The following DSG3 variants were observed in gnomAD, a reference collection of about 807,000 sequenced individuals.
The protein encoded by DSG3 is desmoglein-3.
In DSG3, 63 loss-of-function variants were observed where a neutral mutation model predicts 85.9. The observed-to-expected ratio is 0.73, with a 90% CI of 0.60 to 0.90. The LOEUF is 0.90. DSG3 is among the 40% of genes least tolerant of loss of function. The pLI is 0.00. For synonymous variants in DSG3, 447 were observed against 441.9 expected, an observed-to-expected ratio of 1.01 and a Z score of -0.14; for missense variants, 1,220 against 1,219.9, an observed-to-expected ratio of 1.00 and a Z score of 0.00.
chr18:31,468,609 T>C (rs2072836410), intron 11 of DSG3, among the ~76,000 whole-genome samples: 5 of 152,164 alleles, frequency 3.3e-5, no homozygotes, highest in African/African-American at 1.2e-4. Flanking sequence ...ACCCTATTGT[T>C]TGTGGCAACT....
chr18:31,466,421 T>G, intron 10 of DSG3, 109 bp from the exon 11 acceptor site: 1 of 909,064 alleles, frequency 1.1e-6, no homozygotes, highest in Non-Finnish European at 1.7e-6. Flanking sequence ...TAGTATTTCA[T>G]GAGAAGACAC....
intron 14 of DSG3, 140 bp downstream of exon 14, chr18:31,472,928 G>A (rs966238298): frequency 8.3e-6 from 6 of 723,408 alleles, no homozygotes; most frequent in Non-Finnish European, 1.4e-5. Context: ...ATGGAGAAAA[G>A]CTGTTTTAAT....
chr18:31,467,938 G>A (rs1363057823), intron 11 of DSG3, among the ~76,000 whole-genome samples: 2 of 152,200 alleles, frequency 1.3e-5, no homozygotes, highest in African/African-American at 4.8e-5. Flanking sequence ...GAGTTTACTG[G>A]ATACGTGGCC....
At chr18:31,460,138 A>G in intron 6 of DSG3, 127 bp downstream of exon 6, 1 of 1,004,118 alleles carries the variant, frequency 1.0e-6, no homozygotes, top group East Asian at 2.6e-5. Context: ...AACTTGGCTA[A>G]TCTAGGGAAA....
At chr18:31,459,790 A>T in intron 5 of DSG3, 55 bp from the exon 6 acceptor site, 1 of 1,475,512 alleles carries the variant, frequency 6.8e-7, no homozygotes, top group Non-Finnish European at 9.2e-7. Flanking sequence ...TATTTAAAGT[A>T]AACATAATGT....
rs1385664655 is a variant in DSG3 at position 31,466,663 on chromosome 18, A to T, written c.1545A>T (p.Thr515=). Residue 515 remains threonine, a synonymous_variant, in exon 11 of 16, where the codon ACA becomes ACT. Coordinates refer to ENST00000257189, the MANE Select transcript of DSG3 (RefSeq NM_001944.3). ...CTTCCGTGGTTGTCTCCGCTAGAAC[A>T]CTGAATAATAGATACACTGGCCCCT... ...SSPSVVVSAR[T]LNNRYTGPYT... 1 of 1,614,198 alleles carries T rather than the reference A, an allele frequency of 6.2e-7. No homozygotes were observed. Among genetic ancestry groups the T allele is most frequent in the Non-Finnish European group, 8.5e-7 (1 of 1,180,042 alleles).
chr18:31,469,352 G>A lies in DSG3; in HGVS notation c.1897+3G>A, dbSNP rs745971682. The stretch of plus-strand genomic sequence containing the variant: ...CCTTGGTCTCCTGCTGCTGCTGTGT[G>A]AGTAGCCAATGTTTCATTCTCTGTT... On this transcript the variant is annotated splice_donor_region_variant and intron_variant, in intron 12 of 15. Coordinates refer to ENST00000257189, the MANE Select transcript of DSG3 (RefSeq NM_001944.3). 6.2e-7 allele frequency: 1 copy of A among 1,612,240 alleles called. No homozygotes were observed. Among genetic ancestry groups the A allele is most frequent in the African/African-American group, 1.3e-5 (1 of 74,854 alleles).
intron 2 of DSG3, 130 bp from the exon 3 acceptor site, chr18:31,456,863 C>A (rs2072745387): frequency 2.4e-6 from 2 of 824,978 alleles, no homozygotes; most frequent in African/African-American, 3.5e-5. Context: ...TCAGGTAGAG[C>A]TAATTAGATA....
rs2072824237 is a variant in DSG3 at position 31,466,861 on chromosome 18, A to G, written c.1636+107A>G. 3.3e-6 allele frequency: 3 copies of G among 913,532 alleles called. No homozygotes were observed. The East Asian group carries it at 7.6e-5, about 23-fold the overall frequency. The allele number at this position is 913,532 out of a possible 1,614,324, so 56.6% of individuals were successfully genotyped here. On this transcript the variant is annotated intron_variant, in intron 11 of 15. Coordinates refer to ENST00000257189, the MANE Select transcript of DSG3 (RefSeq NM_001944.3). Reference sequence around the variant, plus strand: ...AGGTCCTTCCAAAAGTAACTGGAAAAATTCTTTGCAATGAAGATGTGGCTG... The same window carrying G: ...AGGTCCTTCCAAAAGTAACTGGAAAGATTCTTTGCAATGAAGATGTGGCTG...
chr18:31,474,104 T>C lies in DSG3; in HGVS notation c.2102-17T>C, dbSNP rs1358083465. On this transcript the variant is annotated splice_polypyrimidine_tract_variant and intron_variant, in intron 14 of 15. Transcript: ENST00000257189. Reference sequence around the variant, plus strand: ...CAACAGCATAAGATATTACAGAATGTTCTCCCTTGTTTTTAGAAGTTTGTA... The same window carrying C: ...CAACAGCATAAGATATTACAGAATGCTCTCCCTTGTTTTTAGAAGTTTGTA... 9 of 1,602,268 alleles carry C rather than the reference T, an allele frequency of 5.6e-6. No homozygotes were observed. Among genetic ancestry groups the C allele is most frequent in the African/African-American group, 2.7e-5 (2 of 74,610 alleles).
chr18:31,474,466 G>T, intron 15 of DSG3, 62 bp downstream of exon 15: 11 of 1,509,396 alleles, frequency 7.3e-6, no homozygotes, highest in South Asian at 2.6e-5. Flanking sequence ...CTTTTTATTT[G>T]ATTATATACT....
intron 1 of DSG3, among the ~76,000 whole-genome samples, chr18:31,455,347 T>C (rs1174814876): frequency 1.3e-5 from 2 of 151,952 alleles, no homozygotes; most frequent in African/African-American, 2.4e-5. Flanking sequence ...ACCAGATTCA[T>C]CCGATAATCA....
chr18:31,459,973 G>T lies in DSG3; in HGVS notation c.646G>T (p.Gly216Trp). The T allele has an allele frequency of 6.2e-7, 1 of 1,613,972 alleles. No individual in the cohort carries two copies. The highest frequency in any genetic ancestry group is 8.5e-7 in the Non-Finnish European group (1 of 1,179,962). Reference sequence around the variant, plus strand: ...CATGTTCCTCCTAAGCAGAAACACTGGGGAAGTCCGTACTTTGACCAATTC... The same window carrying T: ...CATGTTCCTCCTAAGCAGAAACACTTGGGAAGTCCGTACTTTGACCAATTC... ...TPMFLLSRNTGEVRTLTNSLD... is the reference protein window; with the variant it reads ...TPMFLLSRNTWEVRTLTNSLD... The change falls in exon 6 of 16, where the codon GGG becomes TGG. Residue 216 changes from glycine (G) to tryptophan (W), a missense_variant. Transcript: ENST00000257189.
At chr18:31,456,553 GA>G in intron 2 of DSG3, 78 bp downstream of exon 2, 1 of 743,466 alleles carries the variant, frequency 1.3e-6, no homozygotes, top group Non-Finnish European at 1.9e-6. Flanking sequence ...TAGTAGAAAT[GA>G]ATATTTAATT....
intron 8 of DSG3, 117 bp downstream of exon 8, chr18:31,461,529 A>G: frequency 9.7e-7 from 1 of 1,026,422 alleles, no homozygotes; most frequent in Admixed American, 2.7e-5. Context: ...AACACATAAA[A>G]GTAGATTGAA....
chr18:31,455,603 C>G (rs1225797727), intron 1 of DSG3, among the ~76,000 whole-genome samples: 3 of 152,110 alleles, frequency 2.0e-5, no homozygotes, highest in African/African-American at 2.4e-5. Flanking sequence ...GTTGTTGGAA[C>G]TTGATGGATC....
chr18:31,461,002 T>G (rs765691405), intron 7 of DSG3, 41 bp downstream of exon 7: 2 of 1,527,514 alleles, frequency 1.3e-6, no homozygotes, highest in South Asian at 2.6e-5. Context: ...AGATATATAT[T>G]TAATACTTTG....
In DSG3 at chr18:31,474,266, C is replaced by T. The variant is rs142612259; in HGVS notation, c.2247C>T (p.Phe749=). The change falls in exon 15 of 16, where the codon TTC becomes TTT. Residue 749 remains phenylalanine (F), a synonymous_variant. Transcript: ENST00000257189. ...TGTVSGAASG[F]GAATGVGICS... is the part of the protein sequence containing the mutation. ...CAGTGTCAGGAGCTGCTTCAGGATTCGGAGCAGCCACTGGAGTTGGCATCT... is the reference window on the plus strand; with the variant it reads ...CAGTGTCAGGAGCTGCTTCAGGATTTGGAGCAGCCACTGGAGTTGGCATCT... 9.9e-6 allele frequency: 16 copies of T among 1,614,010 alleles called. No homozygotes were observed. Among genetic ancestry groups the T allele is most frequent in the African/African-American group, 5.3e-5 (4 of 74,888 alleles).
chr18:31,465,275 C>A, intron 9 of DSG3, 43 bp from the exon 10 acceptor site: 2 of 1,307,094 alleles, frequency 1.5e-6, no homozygotes, highest in South Asian at 2.7e-5. Flanking sequence ...ATGTAACATT[C>A]CACATTTGAA....
Sources: allele counts gnomAD v4.1 joint callset (sites outside exome capture counted in the v4.1 genomes callset), GRCh38; gene constraint gnomAD v4.1.1; transcripts MANE v1.5; gene names NCBI Gene and HGNC (gene_info 2026-07-23, HGNC 2026-07-21).